The following TAFA4 variants were observed in gnomAD, a reference collection of about 807,000 sequenced individuals.
TAFA4 encodes the protein chemokine-like protein TAFA-4.
A neutral mutation model predicts 21.1 loss-of-function variants in TAFA4; 20 were observed. The ratio of observed to expected loss-of-function variants is 0.95; its 90% CI spans 0.67 to 1.38. The LOEUF is 1.38. Among genes scored for constraint, TAFA4 ranks in the 40% most tolerant of loss-of-function variants. The pLI, the probability that TAFA4 is intolerant of heterozygous loss-of-function variation, is 0.00. For synonymous variants in TAFA4, 71 were observed against 67.4 expected (o/e 1.05, Z -0.26); for missense variants, 211 against 180.9 (o/e 1.17, Z -0.95).
In TAFA4 at chr3:68,773,875, TA is replaced by T. The variant is rs752894596; in HGVS notation, c.131-20858del. On this transcript the variant is annotated intron_variant, in intron 3 of 5. Coordinates refer to ENST00000295569, the MANE Select transcript of TAFA4 (RefSeq NM_182522.5). Reference sequence around the variant, plus strand: ...GAATAATGTGCGATGAAAACAGCAATAAAAAAAACTTATAGCAAGCGTGAGA... The same window carrying T: ...GAATAATGTGCGATGAAAACAGCAATAAAAAAACTTATAGCAAGCGTGAGA... Among the ~76,000 whole-genome samples the T allele has an allele frequency of 5.2e-4, 79 of 151,772 alleles. 1 individual carries two copies. The highest frequency in any genetic ancestry group is 1.0e-3 in the South Asian group (5 of 4,778).
chr3:68,804,504 C>G (rs1314276831), intron 3 of TAFA4, among the ~76,000 whole-genome samples: 2 of 152,120 alleles, frequency 1.3e-5, no homozygotes, highest in Admixed American at 1.3e-4. Context: ...CAATCCTAAG[C>G]CAAAAGAACA....
At chr3:68,820,740 G>T (rs1704095412) in intron 3 of TAFA4, among the ~76,000 whole-genome samples, 1 of 151,994 alleles carries the variant, frequency 6.6e-6, no homozygotes, top group African/African-American at 2.4e-5. Context: ...AATATGTGAG[G>T]GAATACCTAT....
chr3:68,908,707 T>C (rs2089927619), intron 1 of TAFA4, among the ~76,000 whole-genome samples: 1 of 152,196 alleles, frequency 6.6e-6, no homozygotes, highest in African/African-American at 2.4e-5. Flanking sequence ...AAATTCAAGA[T>C]GAGTAAGTCA....
chr3:68,781,824 G>C (rs971182437), intron 3 of TAFA4, among the ~76,000 whole-genome samples: 2 of 152,094 alleles, frequency 1.3e-5, no homozygotes, highest in Admixed American at 6.6e-5. Flanking sequence ...ATTACAGACA[G>C]ATATCTCGCA....
At chr3:68,776,561 G>GT (rs1703053562) in intron 3 of TAFA4, among the ~76,000 whole-genome samples, 1 of 152,164 alleles carries the variant, frequency 6.6e-6, no homozygotes, top group Non-Finnish European at 1.5e-5. Context: ...TACATCCATA[G>GT]TTTGAGATTC....
At chr3:68,885,607 T>C (rs2089664168) in intron 1 of TAFA4, among the ~76,000 whole-genome samples, 1 of 152,142 alleles carries the variant, frequency 6.6e-6, no homozygotes, top group African/African-American at 2.4e-5. Flanking sequence ...TCATTTGAAA[T>C]GCACAAATTT....
chr3:68,805,077 AATC>A (rs1703662764), intron 3 of TAFA4, among the ~76,000 whole-genome samples: 1 of 152,226 alleles, frequency 6.6e-6, no homozygotes, highest in Non-Finnish European at 1.5e-5. Context: ...TAATATCCAG[AATC>A]TACAATGAAC....
intron 3 of TAFA4, among the ~76,000 whole-genome samples, chr3:68,797,991 A>C (rs1360515024): frequency 6.6e-6 from 1 of 152,242 alleles, no homozygotes; most frequent in Non-Finnish European, 1.5e-5. Flanking sequence ...TGTTTAATGA[A>C]ATAGGTGATG....
chr3:68,856,544 G>A (rs1705074629), intron 3 of TAFA4, among the ~76,000 whole-genome samples: 1 of 152,022 alleles, frequency 6.6e-6, no homozygotes, highest in Non-Finnish European at 1.5e-5. Flanking sequence ...TCCTCTTGGG[G>A]TAACTTCAGC....
intron 3 of TAFA4, among the ~76,000 whole-genome samples, chr3:68,786,552 C>G (rs1703266064): frequency 6.6e-6 from 1 of 152,230 alleles, no homozygotes; most frequent in African/African-American, 2.4e-5. Context: ...TATACACTTT[C>G]TACTGTTTGA....
intron 3 of TAFA4, among the ~76,000 whole-genome samples, chr3:68,823,824 A>G (rs1396182153): frequency 1.3e-5 from 2 of 152,206 alleles, no homozygotes; most frequent in African/African-American, 2.4e-5. Context: ...ACAATGATAG[A>G]CCGTATAAGG....
At chr3:68,905,385 G>C (rs1559559206) in intron 1 of TAFA4, among the ~76,000 whole-genome samples, 1 of 151,994 alleles carries the variant, frequency 6.6e-6, no homozygotes, top group Non-Finnish European at 1.5e-5. Context: ...GGCCAGGATG[G>C]TATCGATCTC....
intron 4 of TAFA4, among the ~76,000 whole-genome samples, chr3:68,743,016 C>T (rs113358596): frequency 1.3e-5 from 2 of 152,150 alleles, no homozygotes; most frequent in Admixed American, 1.3e-4. Flanking sequence ...TCATTATCCA[C>T]TGAAGGGGCC....
chr3:68,816,389 C>A (rs1443523642), intron 3 of TAFA4, among the ~76,000 whole-genome samples: 1 of 152,118 alleles, frequency 6.6e-6, no homozygotes, highest in Non-Finnish European at 1.5e-5. Context: ...TCTTCAAATT[C>A]TTTCATCAGT....
chr3:68,753,008 T>G lies in TAFA4; in HGVS notation c.141A>C (p.Gln47His). The G allele has an allele frequency of 6.2e-7, 1 of 1,613,588 alleles. No individual in the cohort carries two copies. Among genetic ancestry groups the G allele is most frequent in the Non-Finnish European group, 8.5e-7 (1 of 1,179,706 alleles). The part of the protein sequence containing the change: ...QHLRGHAGHH[Q>H]IKQGTCEVVA... ...CCACCTCACAGGTCCCTTGCTTGAT[T>G]TGGTGGTGACCTAGTTGGTAATGGG... The change falls in exon 4 of 6, where the codon CAA becomes CAC. Residue 47 changes from glutamine to histidine, a missense_variant. By Grantham distance (24) the Gln-to-His change is conservative. Coordinates refer to ENST00000295569, the MANE Select transcript of TAFA4 (RefSeq NM_182522.5).
At chr3:68,833,169 A>G (rs1168911121) in intron 3 of TAFA4, among the ~76,000 whole-genome samples, 1 of 152,132 alleles carries the variant, frequency 6.6e-6, no homozygotes, top group East Asian at 1.9e-4. Flanking sequence ...GGGTGAGGCA[A>G]CACCCCACCC....
At chr3:68,746,385 C>T (rs758247005) in intron 4 of TAFA4, among the ~76,000 whole-genome samples, 49 of 152,126 alleles carry the variant, frequency 3.2e-4, no homozygotes, top group Admixed American at 6.5e-4. Context: ...AACCCTAATA[C>T]ACATGGTGAA....
intron 3 of TAFA4, among the ~76,000 whole-genome samples, chr3:68,844,356 T>G (rs1704738697): frequency 1.3e-5 from 2 of 152,206 alleles, no homozygotes; most frequent in African/African-American, 4.8e-5. Flanking sequence ...GTGGGATCAG[T>G]GGTGATATCC....
chr3:68,903,516 G>T (rs1475170588), intron 1 of TAFA4, among the ~76,000 whole-genome samples: 1 of 152,170 alleles, frequency 6.6e-6, no homozygotes, highest in Non-Finnish European at 1.5e-5. Context: ...TAACAGGCTT[G>T]CTTGAAGATC....
Sources: gnomAD v4.1 joint callset for allele counts (sites outside exome capture counted in the v4.1 genomes callset) on GRCh38, gnomAD v4.1.1 for gene constraint, MANE v1.5 for transcripts, NCBI Gene and HGNC (gene_info 2026-07-23, HGNC 2026-07-21) for gene names.